SELP: variants seen among roughly 807,000 people sequenced by gnomAD.
The protein encoded by SELP is P-selectin.
SELP carries 92 observed loss-of-function variants against 104.1 expected under a neutral mutation model. The observed-to-expected ratio is 0.88, with a 90% confidence interval of 0.75 to 1.05. SELP has a LOEUF of 1.05. Among genes scored for constraint, SELP ranks in the 50% least tolerant of loss-of-function variants. SELP has a pLI of 0.00. For missense variants in SELP, 1,022 were observed against 1,017.3 expected (o/e 1.00, Z -0.06); for synonymous variants, 397 against 364.5 (o/e 1.09, Z -1.01).
intron 1 of SELP, among the ~76,000 whole-genome samples, chr1:169,620,895 G>GTT (rs1663075267): frequency 6.8e-6 from 1 of 148,098 alleles, no homozygotes; most frequent in East Asian, 2.0e-4. Flanking sequence ...GTATGTATGC[G>GTT]TGTGTCATGC....
intron 10 of SELP, among the ~76,000 whole-genome samples, chr1:169,598,320 G>A (rs2101875565): frequency 6.6e-6 from 1 of 152,160 alleles, no homozygotes; most frequent in Non-Finnish European, 1.5e-5. Context: ...CAATACCTTG[G>A]TCAGATAAGT....
At position 169,616,235 on chromosome 1, in the gene SELP, A is replaced by G. The variant is rs1662802817; in HGVS notation, c.481+793T>C. 2.6e-5 allele frequency among the ~76,000 whole-genome samples: 4 copies of G among 152,312 alleles called. No individual in the cohort carries two copies. In the South Asian group the frequency reaches 8.3e-4, roughly 32 times the overall value. On this transcript the variant is annotated intron_variant, in intron 3 of 16. Transcript: ENST00000263686. Reference sequence around the variant, plus strand: ...CCACCAAAGTTCAATGGATCTAAAGATATGTTGTTGTTGAAGAGAAACTAT... The same window carrying G: ...CCACCAAAGTTCAATGGATCTAAAGGTATGTTGTTGTTGAAGAGAAACTAT...
intron 10 of SELP, among the ~76,000 whole-genome samples, chr1:169,598,425 C>G (rs1181328970): frequency 1.3e-5 from 2 of 152,188 alleles, no homozygotes; most frequent in Admixed American, 1.3e-4. Context: ...CTTTTACATA[C>G]TGGCCCATGT....
At chr1:169,598,005 G>T (rs1374886876) in intron 10 of SELP, among the ~76,000 whole-genome samples, 4 of 152,110 alleles carry the variant, frequency 2.6e-5, no homozygotes, top group East Asian at 1.9e-4. Context: ...CTCTTCTACT[G>T]GATGGGAAAG....
chr1:169,617,338 A>G lies in SELP; in HGVS notation c.171T>C (p.Arg57=). The G allele has an allele frequency of 6.2e-7, 1 of 1,614,108 alleles. No homozygotes were observed. The highest frequency in any genetic ancestry group is 8.5e-7 in the Non-Finnish European group (1 of 1,180,002). Residue 57 remains arginine (R), a synonymous_variant, in exon 3 of 17, where the codon CGT becomes CGC. Transcript: ENST00000263686. ...CTGTGTAGCGATTCTGGCAGTATTT[A>G]CGGGAAATATTCCATGAGTATGCTT... The part of the protein sequence containing the change: ...STKAYSWNIS[R]KYCQNRYTDL...
chr1:169,608,857 A>G (rs1662337493), intron 8 of SELP, among the ~76,000 whole-genome samples: 1 of 152,156 alleles, frequency 6.6e-6, no homozygotes, highest in Non-Finnish European at 1.5e-5. Flanking sequence ...CGTAAAAAAA[A>G]TAATAATCCT....
chr1:169,612,137 T>A, intron 6 of SELP, 80 bp downstream of exon 6: 1 of 1,416,354 alleles, frequency 7.1e-7, no homozygotes, highest in East Asian at 2.3e-5. Context: ...AGCTTCTCCA[T>A]AAGCTGGTCA....
At chr1:169,608,375 G>A (rs1225078167) in intron 8 of SELP, among the ~76,000 whole-genome samples, 1 of 151,670 alleles carries the variant, frequency 6.6e-6, no homozygotes, top group Non-Finnish European at 1.5e-5. Context: ...TCCCTCTTCC[G>A]CCGAGCCCTT....
chr1:169,598,428 G>GCCCATGTAT (rs1240567928), intron 10 of SELP, among the ~76,000 whole-genome samples: 3 of 152,038 alleles, frequency 2.0e-5, no homozygotes, highest in African/African-American at 7.2e-5. Context: ...TTACATACTG[G>GCCCATGTAT]CCCATGTATT....
At chr1:169,606,177 T>C (rs1023561951) in intron 9 of SELP, among the ~76,000 whole-genome samples, 80 of 152,240 alleles carry the variant, frequency 5.3e-4, no homozygotes, top group Middle Eastern at 6.8e-3. Context: ...ATTAGCTGGG[T>C]GCAGTGGTGG....
At chr1:169,599,892 T>C (rs947446133) in intron 10 of SELP, among the ~76,000 whole-genome samples, 3 of 152,016 alleles carry the variant, frequency 2.0e-5, no homozygotes, top group African/African-American at 7.2e-5. Flanking sequence ...CCCCACGCAG[T>C]GAAAATAGAC....
chr1:169,604,388 C>T (rs1662080450), intron 9 of SELP, among the ~76,000 whole-genome samples: 1 of 152,096 alleles, frequency 6.6e-6, no homozygotes, highest in Non-Finnish European at 1.5e-5. Flanking sequence ...AAATGTTCTC[C>T]CATTCTGTAG....
At chr1:169,619,014 G>A (rs1662962515) in intron 2 of SELP, 115 bp downstream of exon 2, 1 of 731,238 alleles carries the variant, frequency 1.4e-6, no homozygotes, top group Non-Finnish European at 2.3e-6. Flanking sequence ...ATCTGGACTT[G>A]GACAGTTTTC....
At chr1:169,599,371 A>C (rs1255581597) in intron 10 of SELP, among the ~76,000 whole-genome samples, 8 of 150,746 alleles carry the variant, frequency 5.3e-5, no homozygotes, top group Non-Finnish European at 1.2e-4. Context: ...AAAAAAAAAA[A>C]CTCCTGAATA....
chr1:169,602,763 C>G (rs1161084911), intron 10 of SELP, among the ~76,000 whole-genome samples: 1 of 152,188 alleles, frequency 6.6e-6, no homozygotes, highest in Non-Finnish European at 1.5e-5. Context: ...AGGCATGCAC[C>G]ACCATGCCCA....
At chr1:169,611,456 T>C (rs1662526483) in intron 7 of SELP, 36 bp downstream of exon 7, 1 of 1,605,142 alleles carries the variant, frequency 6.2e-7, no homozygotes, top group Non-Finnish European at 8.5e-7. Flanking sequence ...TGATTCCTTC[T>C]TGGACAGAAT....
Position 169,590,177 on chromosome 1 carries a change from T to TA in SELP, c.2463dup (p.Thr822TyrfsTer6), listed in dbSNP as rs780298578. 2 of 1,613,412 alleles carry TA rather than the reference T, an allele frequency of 1.2e-6. No individual in the cohort carries two copies. Among genetic ancestry groups the TA allele is most frequent in the South Asian group, 2.2e-5 (2 of 91,068 alleles). ...GGACTCGGGTCAAATGCAGCGTTTG[T>TA]AAAAACTCCATATGTTCCTAGGTGG... is the stretch of plus-strand genomic sequence containing the variant. On this transcript the variant is annotated frameshift_variant, in exon 16 of 17. Coordinates refer to ENST00000263686, the MANE Select transcript of SELP (RefSeq NM_003005.4). LOFTEE classifies it high-confidence loss of function.
At chr1:169,623,478 T>G (rs1287885269) in intron 1 of SELP, among the ~76,000 whole-genome samples, 1 of 152,350 alleles carries the variant, frequency 6.6e-6, no homozygotes, top group East Asian at 1.9e-4. Flanking sequence ...CCTGTTTGTT[T>G]GTTTGTTTGA....
At chr1:169,599,121 A>G (rs576966341) in intron 10 of SELP, among the ~76,000 whole-genome samples, 4 of 152,266 alleles carry the variant, frequency 2.6e-5, no homozygotes, top group African/African-American at 7.2e-5. Flanking sequence ...GGATCATGTA[A>G]AGAAGTGGGT....
Sources: gnomAD v4.1 joint callset for allele counts (sites outside exome capture counted in the v4.1 genomes callset) on GRCh38, gnomAD v4.1.1 for gene constraint, MANE v1.5 for transcripts, NCBI Gene and HGNC (gene_info 2026-07-23, HGNC 2026-07-21) for gene names.